Variants in MOXD1 observed in about 807,000 individuals in gnomAD.
MOXD1 encodes monooxygenase DBH like 1.
In MOXD1, 62 loss-of-function variants were observed where a neutral mutation model predicts 66.6. The ratio of observed to expected loss-of-function variants is 0.93; its 90% CI spans 0.76 to 1.15. The LOEUF (loss-of-function observed/expected upper bound fraction) is 1.15, where lower values mean the gene tolerates loss of function less well. Among genes scored for constraint, MOXD1 ranks in the 50% most tolerant of loss-of-function variants. The pLI is 0.00. For missense variants in MOXD1, 847 were observed against 754.6 expected (o/e 1.12, Z -1.44); for synonymous variants, 303 against 281.9 (o/e 1.07, Z -0.75).
At chr6:132,308,916 T>C (rs1473838368) in intron 10 of MOXD1, among the ~76,000 whole-genome samples, 4 of 152,066 alleles carry the variant, frequency 2.6e-5, no homozygotes, top group Admixed American at 1.3e-4. Context: ...CAGTACCATA[T>C]TGAATGGGCA....
intron 4 of MOXD1, among the ~76,000 whole-genome samples, chr6:132,367,893 C>T (rs1033902946): frequency 3.9e-5 from 6 of 151,916 alleles, no homozygotes; most frequent in African/African-American, 7.2e-5. Context: ...ACCCACCTAC[C>T]GTAGTATGAG....
At chr6:132,352,309 C>T (rs939960238) in intron 4 of MOXD1, among the ~76,000 whole-genome samples, 6 of 152,036 alleles carry the variant, frequency 3.9e-5, no homozygotes, top group African/African-American at 1.2e-4. Context: ...TTGCTGTATC[C>T]CACAGATTTT....
At position 132,296,969 on chromosome 6, in the gene MOXD1, TAAGA is replaced by T. The variant is rs1476829684; in HGVS notation, c.*180_*183del. On this transcript the variant is annotated 3_prime_UTR_variant, in exon 12 of 12. Coordinates refer to ENST00000367963, the MANE Select transcript of MOXD1 (RefSeq NM_015529.4). The stretch of plus-strand genomic sequence containing the variant: ...ATGTATATATAACATCAGATATTTC[TAAGA>T]AAGAGAAGAGAACCTGATTGATGTC... The T allele has an allele frequency of 2.1e-5, 11 of 528,590 alleles. No individual in the cohort carries two copies. In the Admixed American group the frequency reaches 3.4e-4, roughly 17 times the overall value. 32.7% of individuals were successfully genotyped at this position (528,590 alleles called of 1,614,324 possible).
intron 1 of MOXD1, among the ~76,000 whole-genome samples, chr6:132,376,834 C>T (rs1562297168): frequency 1.3e-5 from 2 of 152,158 alleles, no homozygotes; most frequent in African/African-American, 2.4e-5. Context: ...CTTATATGCA[C>T]CAGGCCCTGT....
At chr6:132,333,359 C>CAA (rs1775367068) in intron 4 of MOXD1, among the ~76,000 whole-genome samples, 2 of 109,120 alleles carry the variant, frequency 1.8e-5, no homozygotes, top group Non-Finnish European at 3.3e-5. Flanking sequence ...AAAAAAAATA[C>CAA]TGACCCTGTA....
intron 4 of MOXD1, among the ~76,000 whole-genome samples, chr6:132,330,242 C>T (rs1775287411): frequency 6.6e-6 from 1 of 152,132 alleles, no homozygotes; most frequent in African/African-American, 2.4e-5. Context: ...GGCAAGTGAG[C>T]AAAGCTTCAT....
At position 132,397,116 on chromosome 6, in the gene MOXD1, G is replaced by T. The variant is rs986399006; in HGVS notation, c.264+4047C>A. ...CAAAGTCAAGCAGCCACACAGAGAG[G>T]CTATGATCCTACCACAGCACCAGGC... On this transcript the variant is annotated intron_variant, in intron 1 of 11. Transcript: ENST00000367963. Among the ~76,000 whole-genome samples, 23 of 152,324 alleles carry T rather than the reference G, an allele frequency of 1.5e-4. 1 individual carries two copies. The highest frequency in any genetic ancestry group is 1.3e-4 in the Admixed American group (2 of 15,298).
chr6:132,373,686 G>A (rs1382644019), intron 2 of MOXD1, among the ~76,000 whole-genome samples: 1 of 152,200 alleles, frequency 6.6e-6, no homozygotes, highest in African/African-American at 2.4e-5. Context: ...AAGGGCTATG[G>A]GTTGGGGAGG....
At chr6:132,349,769 T>C (rs1775766136) in intron 4 of MOXD1, among the ~76,000 whole-genome samples, 1 of 151,878 alleles carries the variant, frequency 6.6e-6, no homozygotes, top group African/African-American at 2.4e-5. Context: ...GATCACCGCA[T>C]CCACACCAAC....
rs76776036 is a variant in MOXD1 at position 132,339,919 on chromosome 6, G to C, written c.664-11325C>G. Among the ~76,000 whole-genome samples, 5,067 of 146,238 alleles carry C rather than the reference G, an allele frequency of 0.035. 616 individuals carry two copies. In the East Asian group the frequency reaches 0.45, roughly 13 times the overall value. On this transcript the variant is annotated intron_variant, in intron 4 of 11. Transcript: ENST00000367963. The stretch of plus-strand genomic sequence containing the variant: ...GAGTCTCACTCCGTCACCCAGGCTA[G>C]AGTGCAGTGGTATGATCTCAGCTCA...
Position 132,349,484 on chromosome 6 carries a change from T to TATATATATATATATAC in MOXD1, c.664-20891_664-20890insGTATATATATATATAT, listed in dbSNP as rs1352940943. Among the ~76,000 whole-genome samples the TATATATATATATATAC allele has an allele frequency of 6.7e-5, 2 of 29,780 alleles. 1 individual carries two copies. Among genetic ancestry groups the TATATATATATATATAC allele is most frequent in the African/African-American group, 1.8e-4 (2 of 11,302 alleles). 19.5% of individuals were successfully genotyped at this position (29,780 alleles called of 152,430 possible). On this transcript the variant is annotated intron_variant, in intron 4 of 11. Transcript: ENST00000367963. ...ATATATACATATATATATATATACA[T>TATATATATATATATAC]ATATATATATACCACAGTTTCTTTA...
At chr6:132,345,105 A>T (rs1775645028) in intron 4 of MOXD1, among the ~76,000 whole-genome samples, 1 of 152,220 alleles carries the variant, frequency 6.6e-6, no homozygotes, top group Admixed American at 6.5e-5. Context: ...TCGGCCACAG[A>T]ATTTTCTGGC....
chr6:132,322,607 C>T (rs1775098444), intron 8 of MOXD1, 72 bp downstream of exon 8: 14 of 1,464,746 alleles, frequency 9.6e-6, no homozygotes, highest in Non-Finnish European at 1.3e-5. Flanking sequence ...TAGTAGAAAC[C>T]TTGCCACATC....
intron 4 of MOXD1, among the ~76,000 whole-genome samples, chr6:132,346,071 A>AT (rs1186435211): frequency 4.7e-5 from 7 of 149,794 alleles, no homozygotes; most frequent in East Asian, 1.9e-4. Context: ...GGATGGGGGG[A>AT]TTTTTTTTAA....
In MOXD1 at chr6:132,328,458, A is replaced by T; in HGVS notation, c.800T>A (p.Leu267His). The stretch of plus-strand genomic sequence containing the variant: ...GGCAAAAATCACAGTTTCACAGGTG[A>T]GGAATGCATCGGGCATGTTGGGGTG... The part of the protein sequence containing the change: ...CYHPNMPDAF[L>H]TCETVIFAWA... Residue 267 changes from leucine to histidine, a missense_variant, in exon 5 of 12, where the codon CTC becomes CAC. Transcript: ENST00000367963. 1 of 1,613,600 alleles carries T rather than the reference A, an allele frequency of 6.2e-7. No homozygotes were observed. Among genetic ancestry groups the T allele is most frequent in the Non-Finnish European group, 8.5e-7 (1 of 1,179,496 alleles).
chr6:132,315,520 A>T (rs1774925226), intron 10 of MOXD1, 115 bp downstream of exon 10: 12 of 1,222,544 alleles, frequency 9.8e-6, no homozygotes, highest in Non-Finnish European at 1.1e-5. Context: ...AAGTAATCAA[A>T]TAGAACAAAC....
At chr6:132,315,532 G>C in intron 10 of MOXD1, 103 bp downstream of exon 10, 2 of 1,279,156 alleles carry the variant, frequency 1.6e-6, no homozygotes, top group Non-Finnish European at 2.2e-6. Context: ...AGAACAAACA[G>C]TGCATAAAAA....
chr6:132,320,734 C>G, intron 8 of MOXD1, 46 bp from the exon 9 acceptor site: 1 of 1,475,104 alleles, frequency 6.8e-7, no homozygotes, highest in East Asian at 2.3e-5. Flanking sequence ...TTTATGCTGG[C>G]TTATTTATCA....
intron 4 of MOXD1, among the ~76,000 whole-genome samples, chr6:132,369,180 C>G (rs995953381): frequency 6.6e-6 from 1 of 152,096 alleles, no homozygotes; most frequent in African/African-American, 2.4e-5. Flanking sequence ...CTATTCCCCA[C>G]TTGCAGTAAA....
Sources: gnomAD v4.1 joint callset for allele counts (sites outside exome capture counted in the v4.1 genomes callset) on GRCh38, gnomAD v4.1.1 for gene constraint, MANE v1.5 for transcripts, NCBI Gene and HGNC (gene_info 2026-07-23, HGNC 2026-07-21) for gene names.